Variants in UNC13C observed in about 807,000 individuals in gnomAD.
The protein encoded by UNC13C is unc-13 homolog C, also known as protein unc-13 homolog C.
In UNC13C, 174 loss-of-function variants were observed where a neutral mutation model predicts 245.4. The observed-to-expected ratio is 0.71, with a 90% confidence interval of 0.63 to 0.80. The LOEUF is 0.80. Ranked by LOEUF, UNC13C falls within the 30% of genes least tolerant of loss-of-function variation. The pLI, the probability that UNC13C is intolerant of heterozygous loss-of-function variation, is 0.00. For synonymous variants in UNC13C, 992 were observed against 895.1 expected (o/e 1.11, Z -1.93); for missense variants, 2,829 against 2,602.9 (o/e 1.09, Z -1.89).
chr15:53,885,221 C>A, the UNC13C span, among the ~76,000 whole-genome samples: 7 of 152,180 alleles, frequency 4.6e-5, no homozygotes, highest in South Asian at 1.4e-3. Flanking sequence ...CTGAACTTCT[C>A]CTGCCTTTCT....
intron 17 of UNC13C, among the ~76,000 whole-genome samples, chr15:54,375,659 A>G (rs918175389): frequency 6.6e-6 from 1 of 152,222 alleles, no homozygotes; most frequent in African/African-American, 2.4e-5. Context: ...TTCTGAGGTC[A>G]GATACATTGT....
chr15:54,607,135 C>G (rs890201644), intron 30 of UNC13C, among the ~76,000 whole-genome samples: 2 of 152,074 alleles, frequency 1.3e-5, no homozygotes, highest in Admixed American at 6.6e-5. Flanking sequence ...GAGTTGGTAT[C>G]TAGTTCTATG....
At chr15:54,103,615 T>A (rs978171119) in intron 2 of UNC13C, among the ~76,000 whole-genome samples, 51 of 152,260 alleles carry the variant, frequency 3.3e-4, no homozygotes, top group African/African-American at 1.2e-3. Context: ...TCATTATTGA[T>A]TGCCTTGTTC....
intron 17 of UNC13C, among the ~76,000 whole-genome samples, chr15:54,383,628 C>G (rs1311987588): frequency 6.6e-6 from 1 of 152,124 alleles, no homozygotes; most frequent in African/African-American, 2.4e-5. Flanking sequence ...AATGCCCGCT[C>G]TCACCACTCC....
intron 2 of UNC13C, among the ~76,000 whole-genome samples, chr15:54,056,562 C>G (rs891009349): frequency 6.6e-6 from 1 of 152,104 alleles, no homozygotes; most frequent in African/African-American, 2.4e-5. Flanking sequence ...GAGAACTTCC[C>G]CAATCTAACA....
intron 30 of UNC13C, among the ~76,000 whole-genome samples, chr15:54,614,267 G>A (rs562339005): frequency 9.9e-5 from 15 of 151,918 alleles, no homozygotes; most frequent in African/African-American, 2.7e-4. Flanking sequence ...AACTTGGGTC[G>A]TTGCTAATAC....
At chr15:54,579,639 G>T (rs1470125911) in intron 30 of UNC13C, among the ~76,000 whole-genome samples, 2 of 152,152 alleles carry the variant, frequency 1.3e-5, no homozygotes, top group Non-Finnish European at 2.9e-5. Flanking sequence ...CGCACCTGCA[G>T]TCCCAGCTAC....
At chr15:54,624,206 TGAG>T (rs749710084) in intron 32 of UNC13C, among the ~76,000 whole-genome samples, 30 of 152,126 alleles carry the variant, frequency 2.0e-4, no homozygotes, top group Non-Finnish European at 4.0e-4. Context: ...TTTCTACAGA[TGAG>T]GAGTGTATGA....
intron 30 of UNC13C, among the ~76,000 whole-genome samples, chr15:54,619,838 T>A (rs1465748285): frequency 6.6e-6 from 1 of 152,138 alleles, no homozygotes; most frequent in Non-Finnish European, 1.5e-5. Context: ...AGGAGAAAAA[T>A]CTGCATAATT....
intron 17 of UNC13C, among the ~76,000 whole-genome samples, chr15:54,387,148 T>A (rs953994): frequency 1.3e-5 from 2 of 151,864 alleles, no homozygotes; most frequent in East Asian, 3.9e-4. Flanking sequence ...GCCAACGGAG[T>A]AAAGTGAAAG....
intron 19 of UNC13C, 53 bp from the exon 20 acceptor site, chr15:54,494,555 C>A: frequency 6.8e-7 from 1 of 1,460,052 alleles, no homozygotes; most frequent in Non-Finnish European, 9.1e-7. Flanking sequence ...TGGAACATAG[C>A]AGCATTGTTG....
At chr15:53,904,136 G>A in the UNC13C span, among the ~76,000 whole-genome samples, 19 of 152,144 alleles carry the variant, frequency 1.2e-4, no homozygotes, top group Non-Finnish European at 2.5e-4. Context: ...CTTGTTGGAT[G>A]TTCAATAAGG....
intron 6 of UNC13C, among the ~76,000 whole-genome samples, chr15:54,237,362 A>T (rs7183052): frequency 0.5 from 75,370 of 151,966 alleles, 20,144 homozygotes; most frequent in African/African-American, 0.69. Flanking sequence ...AAGACTGGTC[A>T]TCTTGCCTTT....
chr15:54,483,113 T>C (rs1196899029), intron 19 of UNC13C, among the ~76,000 whole-genome samples: 1 of 152,222 alleles, frequency 6.6e-6, no homozygotes, highest in Non-Finnish European at 1.5e-5. Flanking sequence ...TTTGTAATCT[T>C]ATTCTCTAAG....
intron 11 of UNC13C, 74 bp downstream of exon 11, chr15:54,294,138 C>CA: frequency 3.1e-6 from 4 of 1,280,412 alleles, no homozygotes; most frequent in Non-Finnish European, 4.1e-6. Context: ...TATTACATTC[C>CA]CATATAAGTA....
At chr15:54,583,977 C>T (rs369374262) in intron 30 of UNC13C, among the ~76,000 whole-genome samples, 2 of 152,182 alleles carry the variant, frequency 1.3e-5, no homozygotes, top group South Asian at 2.1e-4. Flanking sequence ...TCTGGCTCCC[C>T]GTGGCCTCCA....
chr15:53,970,510 C>A, the UNC13C span, among the ~76,000 whole-genome samples: 1 of 152,178 alleles, frequency 6.6e-6, no homozygotes, highest in South Asian at 2.1e-4. Context: ...TACAGTTATG[C>A]AAATACATCT....
At chr15:53,871,710 A>C in the UNC13C span, among the ~76,000 whole-genome samples, 1 of 152,228 alleles carries the variant, frequency 6.6e-6, no homozygotes, top group Non-Finnish European at 1.5e-5. Context: ...TTCAGGTCTG[A>C]AATTGTGAAT....
chr15:53,910,826 T>G, the UNC13C span: 3 of 146,542 alleles, frequency 2.0e-5, no homozygotes, highest in Admixed American at 7.0e-5. Context: ...GCCCCCCGAG[T>G]GTTCTTTCTG....
Sources: allele counts gnomAD v4.1 joint callset (sites outside exome capture counted in the v4.1 genomes callset), GRCh38; gene constraint gnomAD v4.1.1; transcripts MANE v1.5; gene names NCBI Gene and HGNC (gene_info 2026-07-23, HGNC 2026-07-21).